Variants in OSBP2 observed in about 807,000 individuals in gnomAD.
The protein encoded by OSBP2 is oxysterol-binding protein 2.
In OSBP2, 66 loss-of-function variants were observed where a neutral mutation model predicts 96.0. The ratio of observed to expected loss-of-function variants is 0.69; its 90% CI spans 0.56 to 0.84. OSBP2 has a LOEUF of 0.84. Ranked by LOEUF, OSBP2 falls within the 40% of genes least tolerant of loss-of-function variation. The probability of loss-of-function intolerance (pLI) is 0.00; values close to 1 mark genes in which losing one functional copy is unlikely to be tolerated. For missense variants in OSBP2, 1,038 were observed against 1,222.7 expected, an observed-to-expected ratio of 0.85 and a Z score of 2.25; for synonymous variants, 525 against 520.9, an observed-to-expected ratio of 1.01 and a Z score of -0.11.
chr22:30,893,434 A>G lies in OSBP2; in HGVS notation c.1991-29A>G, dbSNP rs374896525. The G allele has an allele frequency of 1.5e-4, 238 of 1,590,218 alleles. 1 individual carries two copies. In the Middle Eastern group the frequency reaches 2.3e-3, roughly 15 times the overall value. On this transcript the variant is annotated intron_variant, in intron 9 of 13. Coordinates refer to ENST00000332585, the MANE Select transcript of OSBP2 (RefSeq NM_030758.4). ...TGGCCAGAGCCCTGCATGGGGGGGC[A>G]TGACCTCTGACCTGTCCCCTGCCTC...
intron 1 of OSBP2, among the ~76,000 whole-genome samples, chr22:30,731,041 G>A (rs2089770709): frequency 6.6e-6 from 1 of 151,220 alleles, no homozygotes; most frequent in Non-Finnish European, 1.5e-5. Context: ...AGGCGTGGTG[G>A]CGGGCGCCTA....
chr22:30,794,230 A>G (rs1345189779), intron 2 of OSBP2, among the ~76,000 whole-genome samples: 2 of 151,678 alleles, frequency 1.3e-5, no homozygotes, highest in Non-Finnish European at 1.5e-5. Context: ...TAAAAAATAA[A>G]TAAAATTATC....
chr22:30,701,125 G>A (rs184133651), intron 1 of OSBP2, among the ~76,000 whole-genome samples: 3 of 151,060 alleles, frequency 2.0e-5, no homozygotes, highest in Admixed American at 6.6e-5. Flanking sequence ...CTTTGGCTGA[G>A]GAAGACCACT....
intron 12 of OSBP2, 40 bp from the exon 13 acceptor site, chr22:30,905,797 C>A (rs1002109868): frequency 6.2e-7 from 1 of 1,606,200 alleles, no homozygotes; most frequent in Non-Finnish European, 8.5e-7. Context: ...TGGTCCGGCT[C>A]ACACCGCAGC....
intron 2 of OSBP2, among the ~76,000 whole-genome samples, chr22:30,804,636 A>G (rs2090901487): frequency 6.6e-6 from 1 of 152,234 alleles, no homozygotes; most frequent in African/African-American, 2.4e-5. Flanking sequence ...AGTGTTCTGT[A>G]GAGAGGGAAG....
intron 3 of OSBP2, among the ~76,000 whole-genome samples, chr22:30,874,822 G>A (rs2039543696): frequency 6.6e-6 from 1 of 152,184 alleles, no homozygotes; most frequent in Admixed American, 6.5e-5. Context: ...TCATCCTTCA[G>A]AACCCCGCAG....
In OSBP2 at chr22:30,835,861, G is replaced by A. The variant is rs549458054; in HGVS notation, c.854-34568G>A. ...GCCTCCCAAGTAGCTGGGACTACAG[G>A]CATGTGCCACCACACCTGGCTAAAT... is the stretch of plus-strand genomic sequence containing the variant. On this transcript the variant is annotated intron_variant, in intron 2 of 13. Transcript: ENST00000332585. 9.9e-5 allele frequency among the ~76,000 whole-genome samples: 15 copies of A among 151,972 alleles called. No homozygotes were observed. The South Asian group carries it at 2.7e-3, about 27-fold the overall frequency.
At chr22:30,828,365 C>T (rs935041465) in intron 2 of OSBP2, among the ~76,000 whole-genome samples, 1 of 152,182 alleles carries the variant, frequency 6.6e-6, no homozygotes, top group African/African-American at 2.4e-5. Context: ...CCCAGAGGGG[C>T]TGGGAGTAGC....
chr22:30,794,415 A>C (rs1417554502), intron 2 of OSBP2, among the ~76,000 whole-genome samples: 4 of 151,844 alleles, frequency 2.6e-5, no homozygotes, highest in African/African-American at 9.7e-5. Flanking sequence ...CAGGCGCCCG[A>C]CATCATGTCC....
At chr22:30,864,434 C>T (rs1053583325) in intron 2 of OSBP2, among the ~76,000 whole-genome samples, 5 of 152,234 alleles carry the variant, frequency 3.3e-5, no homozygotes, top group East Asian at 1.9e-4. Context: ...TGCGTGTGTG[C>T]GGCGTGGCTC....
chr22:30,821,813 C>T (rs2038279115), intron 2 of OSBP2, among the ~76,000 whole-genome samples: 1 of 152,222 alleles, frequency 6.6e-6, no homozygotes, highest in African/African-American at 2.4e-5. Context: ...GACACAGAGG[C>T]AGTTAATTTC....
At chr22:30,747,393 AT>A (rs1406495319) in intron 2 of OSBP2, among the ~76,000 whole-genome samples, 1 of 152,142 alleles carries the variant, frequency 6.6e-6, no homozygotes, top group East Asian at 1.9e-4. Context: ...AGGCAAGAGG[AT>A]TGCTTGAGCC....
At chr22:30,858,736 A>G (rs1306040808) in intron 2 of OSBP2, among the ~76,000 whole-genome samples, 3 of 151,468 alleles carry the variant, frequency 2.0e-5, no homozygotes, top group Non-Finnish European at 4.4e-5. Context: ...AAAATTAGCC[A>G]GGTGTGGTGG....
chr22:30,708,506 T>TTTTTTTTG (rs2089293121), intron 1 of OSBP2, among the ~76,000 whole-genome samples: 1 of 119,468 alleles, frequency 8.4e-6, no homozygotes, highest in Non-Finnish European at 1.6e-5. Flanking sequence ...TTTTTTTTTT[T>TTTTTTTTG]GAGACAGAGT....
At chr22:30,787,462 C>G (rs1026045119) in intron 2 of OSBP2, among the ~76,000 whole-genome samples, 1 of 152,052 alleles carries the variant, frequency 6.6e-6, no homozygotes, top group African/African-American at 2.4e-5. Context: ...CATTTGGGGT[C>G]AGGAGTTCCA....
intron 5 of OSBP2, 141 bp from the exon 6 acceptor site, chr22:30,889,036 G>A (rs2039882299): frequency 3.1e-6 from 2 of 644,754 alleles, no homozygotes; most frequent in Non-Finnish European, 2.7e-6. Context: ...TTATTGCGGT[G>A]CCTGTCTACA....
chr22:30,815,510 A>G (rs1347700753), intron 2 of OSBP2, among the ~76,000 whole-genome samples: 1 of 152,190 alleles, frequency 6.6e-6, no homozygotes, highest in African/African-American at 2.4e-5. Context: ...TTACTGTTGC[A>G]GTGGGAAAGA....
chr22:30,704,050 C>A (rs896658599), intron 1 of OSBP2, among the ~76,000 whole-genome samples: 49 of 152,180 alleles, frequency 3.2e-4, no homozygotes, highest in Admixed American at 1.5e-3. Flanking sequence ...TCTTCTGACT[C>A]AGCCCACGCA....
chr22:30,779,069 T>C (rs1250967183), intron 2 of OSBP2, among the ~76,000 whole-genome samples: 1 of 151,730 alleles, frequency 6.6e-6, no homozygotes, highest in African/African-American at 2.4e-5. Context: ...TTTTATCTTT[T>C]AAAGTTTTTT....
Sources: allele counts gnomAD v4.1 joint callset (sites outside exome capture counted in the v4.1 genomes callset), GRCh38; gene constraint gnomAD v4.1.1; transcripts MANE v1.5; gene names NCBI Gene and HGNC (gene_info 2026-07-23, HGNC 2026-07-21).